Variants in DCDC1 observed in about 807,000 individuals in gnomAD.
The protein encoded by DCDC1 is doublecortin domain containing 1, also known as doublecortin domain-containing protein 1.
A neutral mutation model predicts 178.3 loss-of-function variants in DCDC1; 200 were observed. The observed-to-expected ratio is 1.12, with a 90% CI of 1.00 to 1.26. The LOEUF (loss-of-function observed/expected upper bound fraction) is 1.26. Among genes scored for constraint, DCDC1 ranks in the 50% most tolerant of loss-of-function variants. DCDC1 has a pLI of 0.00. For missense variants in DCDC1, 1,983 were observed against 1,749.2 expected (o/e 1.13, Z -2.38); for synonymous variants, 690 against 604.8 (o/e 1.14, Z -2.07).
chr11:31,326,260 T>C (rs1194096319), intron 3 of DCDC1, among the ~76,000 whole-genome samples: 2 of 151,874 alleles, frequency 1.3e-5, no homozygotes, highest in African/African-American at 2.4e-5. Context: ...AAGACTGACA[T>C]ATAATGAAAA....
At chr11:30,908,035 T>A (rs1945194145) in intron 29 of DCDC1, among the ~76,000 whole-genome samples, 1 of 152,156 alleles carries the variant, frequency 6.6e-6, no homozygotes, top group African/African-American at 2.4e-5. Context: ...TAGACAAAAT[T>A]GACCCTTTTG....
intron 17 of DCDC1, among the ~76,000 whole-genome samples, chr11:31,087,001 T>C (rs1023856135): frequency 5.9e-5 from 9 of 152,154 alleles, no homozygotes; most frequent in Non-Finnish European, 1.2e-4. Flanking sequence ...CCAGTGAAGC[T>C]AGTGAAGTAA....
At chr11:31,031,554 TTAC>T (rs1324396388) in intron 20 of DCDC1, among the ~76,000 whole-genome samples, 1 of 152,140 alleles carries the variant, frequency 6.6e-6, no homozygotes, top group Non-Finnish European at 1.5e-5. Flanking sequence ...GATGTTATTT[TTAC>T]TACTTATTGT....
intron 9 of DCDC1, among the ~76,000 whole-genome samples, chr11:31,179,708 T>C (rs1968533892): frequency 6.6e-6 from 1 of 152,130 alleles, no homozygotes; most frequent in Non-Finnish European, 1.5e-5. Flanking sequence ...CCATCAAATA[T>C]TTAAAGAACT....
chr11:31,356,237 T>A (rs1259121779), intron 1 of DCDC1, among the ~76,000 whole-genome samples: 2 of 152,000 alleles, frequency 1.3e-5, no homozygotes, highest in East Asian at 1.9e-4. Context: ...AGTTAATAAC[T>A]GAAGAAAATG....
intron 20 of DCDC1, among the ~76,000 whole-genome samples, chr11:31,006,133 T>C (rs1590733750): frequency 6.6e-6 from 1 of 152,234 alleles, no homozygotes; most frequent in South Asian, 2.1e-4. Context: ...TCAATAGCTT[T>C]TGTCCTCTTC....
chr11:31,122,630 T>C (rs1361782490), intron 11 of DCDC1, among the ~76,000 whole-genome samples: 2 of 152,092 alleles, frequency 1.3e-5, no homozygotes, highest in Admixed American at 1.3e-4. Flanking sequence ...AAGTCTTGTA[T>C]CCACATCCAT....
At chr11:31,057,138 G>A (rs1955635193) in intron 20 of DCDC1, among the ~76,000 whole-genome samples, 1 of 151,932 alleles carries the variant, frequency 6.6e-6, no homozygotes, top group African/African-American at 2.4e-5. Flanking sequence ...GGAGGCTGAG[G>A]CACAAGAATC....
At chr11:31,135,512 T>C (rs537531900) in intron 10 of DCDC1, among the ~76,000 whole-genome samples, 1 of 152,258 alleles carries the variant, frequency 6.6e-6, no homozygotes, top group East Asian at 1.9e-4. Flanking sequence ...GTCTTTTAGA[T>C]TTTTTCTAAC....
intron 4 of DCDC1, 108 bp from the exon 5 acceptor site, chr11:31,306,496 C>G: frequency 8.2e-7 from 1 of 1,221,410 alleles, no homozygotes; most frequent in Non-Finnish European, 1.1e-6. Context: ...AAAGATTGTT[C>G]CTATGTATAT....
intron 10 of DCDC1, among the ~76,000 whole-genome samples, chr11:31,132,845 G>C (rs185848889): frequency 1.2e-3 from 176 of 152,206 alleles, no homozygotes; most frequent in African/African-American, 4.1e-3. Context: ...ACAGAATTTG[G>C]GAGAGTGACA....
At chr11:31,068,978 A>G (rs1246564098) in intron 18 of DCDC1, among the ~76,000 whole-genome samples, 1 of 151,856 alleles carries the variant, frequency 6.6e-6, no homozygotes, top group African/African-American at 2.4e-5. Context: ...CAGCCTCCCG[A>G]GTAGCTGGGA....
intron 14 of DCDC1, among the ~76,000 whole-genome samples, chr11:31,102,579 T>C (rs909132088): frequency 1.3e-5 from 2 of 152,152 alleles, no homozygotes; most frequent in African/African-American, 4.8e-5. Flanking sequence ...TACTTCAGCA[T>C]TTTCAACTGT....
chr11:31,021,234 AT>A (rs1952860505), intron 20 of DCDC1, among the ~76,000 whole-genome samples: 1 of 152,230 alleles, frequency 6.6e-6, no homozygotes, highest in Admixed American at 6.5e-5. Flanking sequence ...TTAAAAATGT[AT>A]TCTATGTATT....
chr11:30,991,825 G>C (rs182853048), intron 20 of DCDC1, among the ~76,000 whole-genome samples: 43 of 152,188 alleles, frequency 2.8e-4, no homozygotes, highest in Non-Finnish European at 5.7e-4. Flanking sequence ...TAAACACTGG[G>C]AACATATAAG....
chr11:30,977,162 C>G (rs1950148803), intron 20 of DCDC1, among the ~76,000 whole-genome samples: 1 of 152,042 alleles, frequency 6.6e-6, no homozygotes, highest in African/African-American at 2.4e-5. Flanking sequence ...AGAATGATAC[C>G]AGAGACTGGA....
At chr11:30,933,415 G>T (rs1418074761) in intron 21 of DCDC1, among the ~76,000 whole-genome samples, 1 of 151,950 alleles carries the variant, frequency 6.6e-6, no homozygotes. Context: ...CATTTACTGA[G>T]ATTTGCCTAT....
rs1249680580 is a variant in DCDC1 at position 31,246,925 on chromosome 11, A to C, written c.1055-5309T>G. 2.6e-5 allele frequency among the ~76,000 whole-genome samples: 4 copies of C among 152,190 alleles called. No individual in the cohort carries two copies. In the East Asian group the frequency reaches 7.7e-4, roughly 29 times the overall value. On this transcript the variant is annotated intron_variant, in intron 8 of 38. Transcript: ENST00000684477. ...ATTTGGATTTTTCCTCCACTGAACAAAATGACAAGCACATGATTGCTATAC... is the reference window on the plus strand; with the variant it reads ...ATTTGGATTTTTCCTCCACTGAACACAATGACAAGCACATGATTGCTATAC...
chr11:31,008,032 G>A (rs1951956837), intron 20 of DCDC1, among the ~76,000 whole-genome samples: 1 of 152,154 alleles, frequency 6.6e-6, no homozygotes, highest in South Asian at 2.1e-4. Flanking sequence ...AACCGGAAGT[G>A]CAGAGGGCAC....
Sources: allele counts gnomAD v4.1 joint callset (sites outside exome capture counted in the v4.1 genomes callset), GRCh38; gene constraint gnomAD v4.1.1; transcripts MANE v1.5; gene names NCBI Gene and HGNC (gene_info 2026-07-23, HGNC 2026-07-21).